Variants in FNDC3B observed in about 807,000 individuals in gnomAD.
The protein encoded by FNDC3B is fibronectin type III domain-containing protein 3B.
Under a neutral mutation model 151.5 loss-of-function variants are expected in FNDC3B, and 12 were observed. The ratio of observed to expected loss-of-function variants is 0.08; its 90% CI spans 0.05 to 0.13. The LOEUF (loss-of-function observed/expected upper bound fraction) is 0.13, where lower values mean the gene tolerates loss of function less well. Among genes scored for constraint, FNDC3B ranks in the 10% least tolerant of loss-of-function variants. The probability of loss-of-function intolerance (pLI) is 1.00; values close to 1 mark genes in which losing one functional copy is unlikely to be tolerated. For missense variants in FNDC3B, 1,214 were observed against 1,505.3 expected (o/e 0.81, Z 3.20); for synonymous variants, 528 against 549.0 (o/e 0.96, Z 0.54).
At chr3:172,109,456 C>T (rs566303633) in intron 1 of FNDC3B, among the ~76,000 whole-genome samples, 7 of 151,590 alleles carry the variant, frequency 4.6e-5, no homozygotes, top group South Asian at 2.1e-4. Context: ...GTGAGCCCCG[C>T]GCCCGGCCGA....
intron 17 of FNDC3B, among the ~76,000 whole-genome samples, chr3:172,342,754 G>A (rs1219376869): frequency 1.3e-5 from 2 of 152,172 alleles, no homozygotes; most frequent in Admixed American, 1.3e-4. Context: ...ACTCATGTCT[G>A]CTAATCTAAC....
chr3:172,245,223 A>C (rs1360700444), intron 4 of FNDC3B, among the ~76,000 whole-genome samples: 1 of 152,158 alleles, frequency 6.6e-6, no homozygotes, highest in Non-Finnish European at 1.5e-5. Flanking sequence ...TGATCAAATA[A>C]ATTTTTTCGT....
intron 11 of FNDC3B, among the ~76,000 whole-genome samples, chr3:172,320,909 G>A (rs1052849973): frequency 4.6e-5 from 7 of 152,154 alleles, no homozygotes; most frequent in African/African-American, 1.7e-4. Context: ...ACTTGAAAAA[G>A]TTCTTTTGTT....
At position 172,343,019 on chromosome 3, in the gene FNDC3B, A is replaced by G. The variant is rs768803358; in HGVS notation, c.1980A>G (p.Glu660=). The part of the protein sequence containing the change: ...ISTGGHSQCS[E]SLPVRTLSIA... ...TGGTGTTTCTCCTGCAGTGTTCTGA[A>G]AGTCTCCCTGTTCGCACACTAAGCA... is the stretch of plus-strand genomic sequence containing the variant. The change falls in exon 18 of 26, where the codon GAA becomes GAG. Residue 660 remains glutamate, a synonymous_variant. Transcript: ENST00000415807. 1.7e-5 allele frequency: 28 copies of G among 1,606,772 alleles called. No homozygotes were observed. Among genetic ancestry groups the G allele is most frequent in the Middle Eastern group, 1.6e-4 (1 of 6,068 alleles).
At chr3:172,084,489 A>ACACACACACACACACG (rs1718450762) in intron 1 of FNDC3B, among the ~76,000 whole-genome samples, 2 of 151,706 alleles carry the variant, frequency 1.3e-5, no homozygotes, top group South Asian at 4.2e-4. Flanking sequence ...ACACACATAC[A>ACACACACACACACACG]CACACACACA....
At chr3:172,363,281 G>A (rs1324549729) in intron 23 of FNDC3B, among the ~76,000 whole-genome samples, 2 of 152,176 alleles carry the variant, frequency 1.3e-5, no homozygotes. Context: ...GTGATGTACA[G>A]ATGGGGACTG....
At chr3:172,186,673 T>G (rs1724201826) in intron 3 of FNDC3B, 1 of 691,644 alleles carries the variant, frequency 1.4e-6, no homozygotes, top group Non-Finnish European at 2.6e-6. Flanking sequence ...TGAGTCCTCA[T>G]TTAGTACCTC....
At chr3:172,365,064 G>T (rs371551849) in intron 23 of FNDC3B, among the ~76,000 whole-genome samples, 1 of 152,198 alleles carries the variant, frequency 6.6e-6, no homozygotes. Context: ...CTGAACTCTT[G>T]TAGTGAGTGG....
At chr3:172,155,946 A>G (rs1559992466) in intron 3 of FNDC3B, among the ~76,000 whole-genome samples, 1 of 152,220 alleles carries the variant, frequency 6.6e-6, no homozygotes, top group East Asian at 1.9e-4. Context: ...GAAGAGCTGT[A>G]TATGTAACTA....
intron 3 of FNDC3B, chr3:172,148,644 C>T (rs1023852048): frequency 6.6e-6 from 1 of 152,094 alleles, no homozygotes; most frequent in Non-Finnish European, 1.5e-5. Context: ...TGGACAGAGA[C>T]TATTGTAGCA....
chr3:172,166,361 G>A (rs1229407351), intron 3 of FNDC3B, among the ~76,000 whole-genome samples: 3 of 152,186 alleles, frequency 2.0e-5, no homozygotes, highest in South Asian at 2.1e-4. Context: ...GTGATTATTC[G>A]CCTTCACAGG....
rs146589337 is a variant in FNDC3B at position 172,340,222 on chromosome 3, G to A, written c.1853-891G>A. Among the ~76,000 whole-genome samples, 188 of 152,142 alleles carry A rather than the reference G, an allele frequency of 1.2e-3. 2 individuals are homozygous for A. In the East Asian group the frequency reaches 0.026, roughly 21 times the overall value. ...GTTTCTCTCTTCAGTTCCACAAAGCGGTCAGATCACTTGGGTCATGCCACA... is the reference window on the plus strand; with the variant it reads ...GTTTCTCTCTTCAGTTCCACAAAGCAGTCAGATCACTTGGGTCATGCCACA... On this transcript the variant is annotated intron_variant, in intron 16 of 25. Transcript: ENST00000415807.
At chr3:172,176,401 T>G (rs985343615) in intron 3 of FNDC3B, among the ~76,000 whole-genome samples, 1 of 152,238 alleles carries the variant, frequency 6.6e-6, no homozygotes, top group Non-Finnish European at 1.5e-5. Context: ...AAAGTTTTGA[T>G]AGTTAACCTT....
At chr3:172,343,969 G>C in intron 18 of FNDC3B, 117 bp from the exon 19 acceptor site, 2 of 821,208 alleles carry the variant, frequency 2.4e-6, no homozygotes, top group Admixed American at 4.8e-5. Flanking sequence ...TTTTGTAAGG[G>C]AGATACTGAG....
chr3:172,366,247 G>A (rs1734614829), intron 23 of FNDC3B, among the ~76,000 whole-genome samples: 1 of 152,076 alleles, frequency 6.6e-6, no homozygotes, highest in South Asian at 2.1e-4. Flanking sequence ...CAAATGCAAT[G>A]TTCAGCCAAA....
At chr3:172,361,826 T>C (rs78456486) in intron 22 of FNDC3B, among the ~76,000 whole-genome samples, 5,432 of 152,156 alleles carry the variant, frequency 0.036, 335 homozygotes, top group African/African-American at 0.12. Flanking sequence ...CAGGCATGTG[T>C]CACTATGCCC....
At chr3:172,092,573 C>T (rs572056738) in intron 1 of FNDC3B, among the ~76,000 whole-genome samples, 1 of 152,302 alleles carries the variant, frequency 6.6e-6, no homozygotes, top group East Asian at 1.9e-4. Context: ...GTCCATCACC[C>T]TCCTTTCATG....
intron 6 of FNDC3B, among the ~76,000 whole-genome samples, chr3:172,284,381 G>A (rs953970117): frequency 3.3e-5 from 5 of 152,186 alleles, no homozygotes; most frequent in African/African-American, 1.2e-4. Context: ...TCCGGACCCT[G>A]TGGTGTCTCT....
chr3:172,073,725 A>G (rs137908086), intron 1 of FNDC3B, among the ~76,000 whole-genome samples: 1 of 152,308 alleles, frequency 6.6e-6, no homozygotes, highest in Non-Finnish European at 1.5e-5. Flanking sequence ...TTGATGAATT[A>G]GTCTTATGCA....
Sources: gnomAD v4.1 joint callset for allele counts (sites outside exome capture counted in the v4.1 genomes callset) on GRCh38, gnomAD v4.1.1 for gene constraint, MANE v1.5 for transcripts, NCBI Gene and HGNC (gene_info 2026-07-23, HGNC 2026-07-21) for gene names.